TFPI: variants seen among roughly 807,000 people sequenced by gnomAD.
TFPI encodes the protein tissue factor pathway inhibitor.
A neutral mutation model predicts 34.6 loss-of-function variants in TFPI; 15 were observed. That is an observed-to-expected ratio of 0.43 (90% confidence interval 0.29 to 0.67). TFPI has a LOEUF of 0.67. Ranked by LOEUF, TFPI falls within the 30% of genes least tolerant of loss-of-function variation. TFPI has a pLI of 0.15. For synonymous variants in TFPI, 105 were observed against 120.1 expected (o/e 0.87, Z 0.82); for missense variants, 301 against 364.0 (o/e 0.83, Z 1.41).
At chr2:187,487,913 G>C (rs1693402219) in intron 4 of TFPI, among the ~76,000 whole-genome samples, 1 of 151,290 alleles carries the variant, frequency 6.6e-6, no homozygotes, top group African/African-American at 2.4e-5. Context: ...CAAGTGATTA[G>C]AGATCAGAGA....
chr2:187,520,085 C>G (rs1173728890), intron 1 of TFPI, among the ~76,000 whole-genome samples: 1 of 152,142 alleles, frequency 6.6e-6, no homozygotes, highest in Non-Finnish European at 1.5e-5. Flanking sequence ...TTACTGGGCT[C>G]TGTAGGTGGT....
chr2:187,502,368 T>A (rs908449063), intron 2 of TFPI, among the ~76,000 whole-genome samples: 1 of 152,144 alleles, frequency 6.6e-6, no homozygotes, highest in African/African-American at 2.4e-5. Flanking sequence ...TCTATTTGCT[T>A]CTCACTTCCC....
chr2:187,506,163 T>G (rs1414981615), intron 1 of TFPI, among the ~76,000 whole-genome samples: 1 of 152,044 alleles, frequency 6.6e-6, no homozygotes, highest in African/African-American at 2.4e-5. Flanking sequence ...TTTTTCCTTT[T>G]GGAAAAATCC....
intron 2 of TFPI, among the ~76,000 whole-genome samples, chr2:187,497,307 AC>A (rs1685551124): frequency 6.6e-6 from 1 of 152,036 alleles, no homozygotes; most frequent in South Asian, 2.1e-4. Flanking sequence ...AATCGTACCA[AC>A]CGAACTGGGA....
At chr2:187,528,877 A>G (rs1464156478) in intron 1 of TFPI, among the ~76,000 whole-genome samples, 1 of 151,716 alleles carries the variant, frequency 6.6e-6, no homozygotes, top group Non-Finnish European at 1.5e-5. Flanking sequence ...AAAAAAAATT[A>G]GTAAAAATCA....
intron 1 of TFPI, among the ~76,000 whole-genome samples, chr2:187,535,283 A>G (rs2106274516): frequency 6.6e-6 from 1 of 152,334 alleles, no homozygotes. Flanking sequence ...AACAGAATAT[A>G]TATTCTTCTC....
intron 1 of TFPI, among the ~76,000 whole-genome samples, chr2:187,530,236 T>C (rs2106251825): frequency 1.3e-5 from 2 of 152,260 alleles, no homozygotes; most frequent in South Asian, 4.2e-4. Flanking sequence ...AATTGAGTAA[T>C]ATATTTGTTT....
intron 1 of TFPI, among the ~76,000 whole-genome samples, chr2:187,508,373 G>A (rs1686375146): frequency 6.6e-6 from 1 of 151,966 alleles, no homozygotes; most frequent in South Asian, 2.1e-4. Context: ...TAGCTTAATT[G>A]GGATAGCATT....
At chr2:187,551,567 G>A (rs1689097880) in intron 1 of TFPI, among the ~76,000 whole-genome samples, 1 of 152,028 alleles carries the variant, frequency 6.6e-6, no homozygotes, top group South Asian at 2.1e-4. Context: ...GGGAAGACTG[G>A]GCCCCCGGAA....
intron 1 of TFPI, among the ~76,000 whole-genome samples, chr2:187,539,085 A>AGTGTGT (rs10608725): frequency 8.0e-5 from 12 of 150,278 alleles, no homozygotes; most frequent in Admixed American, 3.3e-4. Flanking sequence ...GCCTAAATAG[A>AGTGTGT]GTGTGTGTGT....
At chr2:187,529,108 A>T (rs890243031) in intron 1 of TFPI, among the ~76,000 whole-genome samples, 14 of 152,214 alleles carry the variant, frequency 9.2e-5, no homozygotes, top group Non-Finnish European at 1.9e-4. Context: ...GAACACGAAT[A>T]AAAAAGCCTC....
At chr2:187,499,909 C>T (rs999383791) in intron 2 of TFPI, among the ~76,000 whole-genome samples, 3 of 152,062 alleles carry the variant, frequency 2.0e-5, no homozygotes, top group African/African-American at 7.2e-5. Flanking sequence ...TCTGTATCTG[C>T]AGAACACAGG....
intron 1 of TFPI, among the ~76,000 whole-genome samples, chr2:187,504,992 CAGT>C (rs1686106328): frequency 6.6e-6 from 1 of 151,896 alleles, no homozygotes; most frequent in Non-Finnish European, 1.5e-5. Context: ...GATTTTTAGT[CAGT>C]AGAGATCTCA....
chr2:187,486,201 G>T (rs8176609), intron 4 of TFPI, among the ~76,000 whole-genome samples: 2,187 of 151,464 alleles, frequency 0.014, 19 homozygotes, highest in Non-Finnish European at 0.022. Flanking sequence ...TTAGTTAATT[G>T]TAATAATATG....
At chr2:187,534,266 A>G (rs1241567110) in intron 1 of TFPI, among the ~76,000 whole-genome samples, 2 of 152,166 alleles carry the variant, frequency 1.3e-5, no homozygotes, top group Admixed American at 1.3e-4. Context: ...ACACATAATC[A>G]TCAGATTCAA....
intron 6 of TFPI, among the ~76,000 whole-genome samples, chr2:187,483,361 A>G (rs980786934): frequency 4.6e-5 from 7 of 152,012 alleles, no homozygotes; most frequent in African/African-American, 1.2e-4. Flanking sequence ...TACCTTTGAC[A>G]TGTTCACATG....
At position 187,488,362 on chromosome 2, in the gene TFPI, C is replaced by A. The variant is rs756045901; in HGVS notation, c.333G>T (p.Arg111Ser). The A allele has an allele frequency of 1.3e-6, 2 of 1,564,706 alleles. No homozygotes were observed. The highest frequency in any genetic ancestry group is 2.5e-5 in the South Asian group (2 of 80,710). The change falls in exon 4 of 8, where the codon AGG becomes AGT. Residue 111 changes from arginine to serine, a missense_variant. Coordinates refer to ENST00000233156, the MANE Select transcript of TFPI (RefSeq NM_006287.6). ...CTTGTTGCAATGTTGTCTTTATAAT[C>A]CTGTTTGCATTATCTGTAATCAAAA... is the stretch of plus-strand genomic sequence containing the variant. ...KKMCTRDNAN[R>S]IIKTTLQQEK... is the part of the protein sequence containing the mutation.
At chr2:187,489,324 G>C (rs1383075594) in intron 3 of TFPI, among the ~76,000 whole-genome samples, 1 of 151,000 alleles carries the variant, frequency 6.6e-6, no homozygotes, top group African/African-American at 2.4e-5. Flanking sequence ...TGAAACTAAC[G>C]GACCCAAACT....
At chr2:187,492,917 G>A (rs533275068) in intron 3 of TFPI, among the ~76,000 whole-genome samples, 1 of 152,240 alleles carries the variant, frequency 6.6e-6, no homozygotes, top group East Asian at 1.9e-4. Context: ...GGGGACTATT[G>A]GGAAGGCATG....
Sources: gnomAD v4.1 joint callset for allele counts (sites outside exome capture counted in the v4.1 genomes callset) on GRCh38, gnomAD v4.1.1 for gene constraint, MANE v1.5 for transcripts, NCBI Gene and HGNC (gene_info 2026-07-23, HGNC 2026-07-21) for gene names.